Variants in SLC48A1 observed in about 807,000 individuals in gnomAD.
SLC48A1 encodes the protein solute carrier family 48 member 1, also known as heme transporter HRG1.
In SLC48A1, 6 loss-of-function variants were observed where a neutral mutation model predicts 14.8. That is an observed-to-expected ratio of 0.41 (90% CI 0.22 to 0.80). The LOEUF (loss-of-function observed/expected upper bound fraction) is 0.80, where lower values mean the gene tolerates loss of function less well. Ranked by LOEUF, SLC48A1 falls within the 30% of genes least tolerant of loss-of-function variation. The pLI is 0.34. For missense variants in SLC48A1, 165 were observed against 204.8 expected (o/e 0.81, Z 1.19); for synonymous variants, 89 against 90.0 (o/e 0.99, Z 0.06).
chr12:47,768,483 A>C (rs1265383947), upstream of SLC48A1: 1 of 152,236 alleles, frequency 6.6e-6, no homozygotes, highest in Non-Finnish European at 1.5e-5. Flanking sequence ...GTAGGAGCAG[A>C]GGAAAGGGAG....
In SLC48A1 at chr12:47,780,133, C is replaced by G; in HGVS notation, c.305-12C>G. The G allele has an allele frequency of 6.4e-7, 1 of 1,561,888 alleles. No individual in the cohort carries two copies. Among genetic ancestry groups the G allele is most frequent in the East Asian group, 2.3e-5 (1 of 43,790 alleles). On this transcript the variant is annotated splice_polypyrimidine_tract_variant and intron_variant, in intron 2 of 2. Transcript: ENST00000442218. ...CCTGCCAAAGTCACTGTCGGTACTT[C>G]TCTCCCTGCAGGCCTCACAGACCCC...
chr12:47,755,068 T>A (rs1045252121), upstream of SLC48A1, among the ~76,000 whole-genome samples: 2 of 152,132 alleles, frequency 1.3e-5, no homozygotes, highest in Non-Finnish European at 2.9e-5. Flanking sequence ...GAAGGGTGCA[T>A]GGGGCCGGGA....
At chr12:47,772,669 T>A (rs990363455), upstream of SLC48A1, among the ~76,000 whole-genome samples, 3 of 147,322 alleles carry the variant, frequency 2.0e-5, no homozygotes, top group Admixed American at 6.7e-5. Flanking sequence ...AGAGTGAGAC[T>A]CTGTTTAAAA....
At chr12:47,759,059 T>A in intron 1 of SLC48A1, 1 of 984,900 alleles carries the variant, frequency 1.0e-6, no homozygotes, top group Non-Finnish European at 1.2e-6. Flanking sequence ...AGAGTGGACA[T>A]CCGCCTGAGC....
chr12:47,770,370 C>G (rs1242762252), upstream of SLC48A1, among the ~76,000 whole-genome samples: 1 of 152,260 alleles, frequency 6.6e-6, no homozygotes, highest in Non-Finnish European at 1.5e-5. Context: ...CCTTTAGGTT[C>G]AGATAGCTGA....
upstream of SLC48A1, chr12:47,758,476 C>A (rs943260572): frequency 7.5e-6 from 12 of 1,591,276 alleles, no homozygotes; most frequent in Non-Finnish European, 1.0e-5. Context: ...CCTCTCCCAC[C>A]CAAACTCCCC....
chr12:47,776,044 C>T (rs185520872), intron 1 of SLC48A1, among the ~76,000 whole-genome samples: 1 of 152,294 alleles, frequency 6.6e-6, no homozygotes, highest in African/African-American at 2.4e-5. Flanking sequence ...TATGTTTTTC[C>T]CAGGTGAGCT....
At chr12:47,757,942 A>C, upstream of SLC48A1, 1 of 1,558,262 alleles carries the variant, frequency 6.4e-7, no homozygotes, top group South Asian at 1.2e-5. Context: ...GGGCCGGTGC[A>C]TCCTTCTCAA....
chr12:47,757,938 G>C, upstream of SLC48A1: 2 of 1,557,724 alleles, frequency 1.3e-6, no homozygotes, highest in Non-Finnish European at 1.7e-6. Flanking sequence ...TTCGGGGCCG[G>C]TGCATCCTTC....
chr12:47,768,999 C>T (rs2136855599), upstream of SLC48A1: 1 of 152,350 alleles, frequency 6.6e-6, no homozygotes, highest in East Asian at 1.9e-4. Flanking sequence ...TCCATCCATT[C>T]ATTCAAGCCT....
chr12:47,757,896 C>A, upstream of SLC48A1: 1 of 1,556,562 alleles, frequency 6.4e-7, no homozygotes, highest in South Asian at 1.2e-5. Flanking sequence ...AGCTCGGACG[C>A]TGGTGCTCCA....
intron 1 of SLC48A1, among the ~76,000 whole-genome samples, chr12:47,759,792 G>A (rs1338592408): frequency 1.3e-5 from 2 of 152,186 alleles, no homozygotes; most frequent in Non-Finnish European, 2.9e-5. Context: ...GGAAGGAGGT[G>A]AACGCCCCAC....
chr12:47,778,923 G>C, intron 1 of SLC48A1, 105 bp from the exon 2 acceptor site: 1 of 1,300,586 alleles, frequency 7.7e-7, no homozygotes, highest in Non-Finnish European at 1.0e-6. Flanking sequence ...GGGAATGAGA[G>C]ACAAGACCAT....
At chr12:47,758,385 GC>G, upstream of SLC48A1, 1 of 1,514,116 alleles carries the variant, frequency 6.6e-7, no homozygotes, top group Non-Finnish European at 8.9e-7. Flanking sequence ...CCAGTATGAA[GC>G]TATAGATTCA....
intron 2 of SLC48A1, among the ~76,000 whole-genome samples, chr12:47,761,228 G>A (rs1470945430): frequency 5.3e-5 from 8 of 149,994 alleles, no homozygotes; most frequent in Admixed American, 4.6e-4. Context: ...GGGGGAAATC[G>A]AATATGTTTG....
At chr12:47,757,792 TGCCAA>T (rs1942171902), upstream of SLC48A1, 13 of 1,392,518 alleles carry the variant, frequency 9.3e-6, no homozygotes, top group Non-Finnish European at 1.2e-5. Flanking sequence ...ACCAGCAGCA[TGCCAA>T]GCCATGATCT....
intron 1 of SLC48A1, among the ~76,000 whole-genome samples, chr12:47,776,068 C>T (rs1237323155): frequency 6.6e-6 from 1 of 152,186 alleles, no homozygotes; most frequent in Non-Finnish European, 1.5e-5. Context: ...AGCAAGAGCC[C>T]TGGGGCTCCA....
intron 1 of SLC48A1, among the ~76,000 whole-genome samples, chr12:47,774,792 G>A (rs1942705825): frequency 6.6e-6 from 1 of 152,050 alleles, no homozygotes; most frequent in Non-Finnish European, 1.5e-5. Context: ...CCACCTGTGG[G>A]ATCCTGAGGA....
Position 47,780,630 on chromosome 12 carries a change from G to C in SLC48A1, c.*349G>C, listed in dbSNP as rs185051767. On this transcript the variant is annotated 3_prime_UTR_variant, in exon 3 of 3. Transcript: ENST00000442218. ...CACCCAGGCTGGAGTGCAGTAGTGC[G>C]ATCTCAGCTCACTGCAACCTCCGCC... 4.7e-6 allele frequency: 2 copies of C among 428,220 alleles called. No homozygotes were observed. The highest frequency in any genetic ancestry group is 2.9e-5 in the Admixed American group (1 of 34,538). The allele number at this position is 428,220 out of a possible 1,614,324, so 26.5% of individuals were successfully genotyped here.
Sources: gnomAD v4.1 joint callset for allele counts (sites outside exome capture counted in the v4.1 genomes callset) on GRCh38, gnomAD v4.1.1 for gene constraint, MANE v1.5 for transcripts, NCBI Gene and HGNC (gene_info 2026-07-23, HGNC 2026-07-21) for gene names.